Variants in UBE2V2 observed in about 807,000 individuals in gnomAD.
UBE2V2 encodes the protein ubiquitin-conjugating enzyme E2 variant 2.
UBE2V2 carries 9 observed loss-of-function variants against 17.2 expected under a neutral mutation model. That is an observed-to-expected ratio of 0.52 (90% confidence interval 0.32 to 0.91). The LOEUF (loss-of-function observed/expected upper bound fraction) is 0.91. Ranked by LOEUF, UBE2V2 falls within the 40% of genes least tolerant of loss-of-function variation. The pLI is 0.04. For synonymous variants in UBE2V2, 61 were observed against 57.5 expected, an observed-to-expected ratio of 1.06 and a Z score of -0.28; for missense variants, 133 against 182.6, an observed-to-expected ratio of 0.73 and a Z score of 1.56.
the UBE2V2 span, among the ~76,000 whole-genome samples, chr8:47,999,143 G>T: frequency 6.6e-6 from 1 of 152,112 alleles, no homozygotes; most frequent in Non-Finnish European, 1.5e-5. Context: ...GCTTAGAAAT[G>T]TAAAGAGACT....
chr8:48,025,228 T>C (rs937421844), intron 1 of UBE2V2, among the ~76,000 whole-genome samples: 17 of 151,610 alleles, frequency 1.1e-4, no homozygotes, highest in African/African-American at 3.1e-4. Flanking sequence ...TGAGCCACCA[T>C]GCCTGGCCAG....
At chr8:48,057,491 G>A (rs901020507) in intron 3 of UBE2V2, among the ~76,000 whole-genome samples, 2 of 151,502 alleles carry the variant, frequency 1.3e-5, no homozygotes, top group East Asian at 2.0e-4. Flanking sequence ...TAGTAGAGAC[G>A]GGGGTTTTGC....
At chr8:48,036,171 T>C (rs1589858908) in intron 1 of UBE2V2, among the ~76,000 whole-genome samples, 1 of 151,658 alleles carries the variant, frequency 6.6e-6, no homozygotes, top group South Asian at 2.1e-4. Flanking sequence ...CTCAGGCTTG[T>C]CTTGAACTCC....
At chr8:48,057,940 G>C (rs2154508198) in intron 3 of UBE2V2, among the ~76,000 whole-genome samples, 1 of 152,202 alleles carries the variant, frequency 6.6e-6, no homozygotes, top group Non-Finnish European at 1.5e-5. Flanking sequence ...AATAGAGGTA[G>C]TTTTACTTCT....
chr8:48,011,553 CAA>C (rs892087670), intron 1 of UBE2V2, among the ~76,000 whole-genome samples: 60 of 152,320 alleles, frequency 3.9e-4, no homozygotes, highest in Admixed American at 3.5e-3. Flanking sequence ...AAAACCCTGA[CAA>C]ATATGTTTTG....
chr8:48,033,199 T>C (rs928785369), intron 1 of UBE2V2, among the ~76,000 whole-genome samples: 1 of 152,158 alleles, frequency 6.6e-6, no homozygotes, highest in Non-Finnish European at 1.5e-5. Flanking sequence ...CCATTTTTTT[T>C]TTCCTGAGAC....
At chr8:48,012,854 T>G (rs912308202) in intron 1 of UBE2V2, among the ~76,000 whole-genome samples, 7 of 152,172 alleles carry the variant, frequency 4.6e-5, no homozygotes, top group African/African-American at 1.7e-4. Flanking sequence ...ATTTCCTTTT[T>G]TTTTCTTTCG....
intron 3 of UBE2V2, among the ~76,000 whole-genome samples, chr8:48,058,455 C>T (rs565828353): frequency 1.3e-5 from 2 of 151,642 alleles, no homozygotes; most frequent in East Asian, 3.9e-4. Flanking sequence ...CCTGTAGTCC[C>T]AGCAACTTGG....
rs532201252 is a variant in UBE2V2 at position 48,060,408 on chromosome 8, G to A, written c.292-274G>A. Among the ~76,000 whole-genome samples, 9 of 151,898 alleles carry A rather than the reference G, an allele frequency of 5.9e-5. No individual in the cohort carries two copies. The East Asian group carries it at 1.5e-3, about 26-fold the overall frequency. ...ACCTTACTCCATTAAGAAAGAATTG[G>A]TAAATTTATTGACAAAGTAGTTATT... On this transcript the variant is annotated intron_variant, in intron 3 of 3. Coordinates refer to ENST00000523111, the MANE Select transcript of UBE2V2 (RefSeq NM_003350.3).
At chr8:48,008,725 G>A (rs1359291640) in intron 1 of UBE2V2, among the ~76,000 whole-genome samples, 6 of 150,922 alleles carry the variant, frequency 4.0e-5, no homozygotes, top group African/African-American at 7.2e-5. Context: ...CCGCGCGGGC[G>A]CCCCCGTAGG....
At chr8:48,020,077 T>C (rs1028105439) in intron 1 of UBE2V2, among the ~76,000 whole-genome samples, 2 of 151,588 alleles carry the variant, frequency 1.3e-5, no homozygotes, top group Non-Finnish European at 2.9e-5. Flanking sequence ...AAGGTCTCCC[T>C]ATCTAGGCTA....
intron 1 of UBE2V2, among the ~76,000 whole-genome samples, chr8:48,020,542 G>T (rs894140595): frequency 2.6e-5 from 4 of 152,008 alleles, no homozygotes; most frequent in Admixed American, 6.6e-5. Context: ...CCTGTTAATT[G>T]TTTCCTATTT....
chr8:48,026,798 T>G (rs1211942901), intron 1 of UBE2V2, among the ~76,000 whole-genome samples: 1 of 152,170 alleles, frequency 6.6e-6, no homozygotes, highest in African/African-American at 2.4e-5. Context: ...ATACACCACA[T>G]TTTTGTTTAT....
chr8:48,002,216 C>A, the UBE2V2 span, among the ~76,000 whole-genome samples: 2 of 152,150 alleles, frequency 1.3e-5, no homozygotes, highest in Non-Finnish European at 2.9e-5. Context: ...CACACTTGAT[C>A]TTTGGGGGAC....
At chr8:48,055,979 G>A (rs778075987) in intron 3 of UBE2V2, among the ~76,000 whole-genome samples, 1 of 151,944 alleles carries the variant, frequency 6.6e-6, no homozygotes, top group Non-Finnish European at 1.5e-5. Flanking sequence ...AGGATGGTCT[G>A]TATCTCCTGA....
chr8:48,010,789 C>T lies in UBE2V2; in HGVS notation c.16+2319C>T, dbSNP rs578081872. ...CTCGGCTCACTGCAACTTCCACCTC[C>T]CTGGTTCAAGCAATTCCTCTGCCTC... is the stretch of plus-strand genomic sequence containing the variant. On this transcript the variant is annotated intron_variant, in intron 1 of 3. Coordinates refer to ENST00000523111, the MANE Select transcript of UBE2V2 (RefSeq NM_003350.3). Among the ~76,000 whole-genome samples, 5 of 151,292 alleles carry T rather than the reference C, an allele frequency of 3.3e-5. No individual in the cohort carries two copies. In the South Asian group the frequency reaches 8.3e-4, roughly 25 times the overall value.
chr8:48,008,552 AC>A (rs1462617327), intron 1 of UBE2V2, 82 bp downstream of exon 1: 20 of 1,492,890 alleles, frequency 1.3e-5, no homozygotes, highest in African/African-American at 2.9e-5. Flanking sequence ...CCGAGCGCTG[AC>A]CGTGCGGGAG....
rs2154507930 is a variant in UBE2V2, at chr8:48,049,981, A to G, written c.291+3A>G. ...GAATAAATAATTCCAGTGGGATGGT[A>G]AGTTAATATAGTCATTTTGGTTTTA... is the stretch of plus-strand genomic sequence containing the variant. On this transcript the variant is annotated splice_donor_region_variant and intron_variant, in intron 3 of 3. Transcript: ENST00000523111. 1 of 1,528,396 alleles carries G rather than the reference A, an allele frequency of 6.5e-7. No individual in the cohort carries two copies. The highest frequency in any genetic ancestry group is 2.2e-5 in the Admixed American group (1 of 44,556). 94.7% of individuals were successfully genotyped at this position (1,528,396 alleles called of 1,614,324 possible).
intron 1 of UBE2V2, among the ~76,000 whole-genome samples, chr8:48,019,119 C>A (rs1345193655): frequency 1.3e-5 from 2 of 152,120 alleles, no homozygotes; most frequent in Admixed American, 6.6e-5. Context: ...GTAATCCCAG[C>A]ACTTTGAGAG....
Sources: gnomAD v4.1 joint callset for allele counts (sites outside exome capture counted in the v4.1 genomes callset) on GRCh38, gnomAD v4.1.1 for gene constraint, MANE v1.5 for transcripts, NCBI Gene and HGNC (gene_info 2026-07-23, HGNC 2026-07-21) for gene names.